The following CTNND1 variants were observed in gnomAD, a reference collection of about 807,000 sequenced individuals.
The protein encoded by CTNND1 is catenin delta-1.
A neutral mutation model predicts 112.1 loss-of-function variants in CTNND1; 16 were observed. That is an observed-to-expected ratio of 0.14 (90% CI 0.10 to 0.22). CTNND1 has a LOEUF of 0.22. Among genes scored for constraint, CTNND1 ranks in the 10% least tolerant of loss-of-function variants. CTNND1 has a pLI of 1.00. For synonymous variants in CTNND1, 420 were observed against 446.5 expected, an observed-to-expected ratio of 0.94 and a Z score of 0.75; for missense variants, 1,008 against 1,257.0, an observed-to-expected ratio of 0.80 and a Z score of 3.00.
At chr11:57,776,434 G>C (rs898226437) in intron 1 of CTNND1, among the ~76,000 whole-genome samples, 1 of 152,132 alleles carries the variant, frequency 6.6e-6, no homozygotes. Flanking sequence ...TTGGCTAGTT[G>C]GAATGTAGCT....
chr11:57,807,098 T>TA, intron 12 of CTNND1, 115 bp downstream of exon 12: 1 of 847,812 alleles, frequency 1.2e-6, no homozygotes, highest in East Asian at 2.7e-5. Flanking sequence ...TTTTCCAACT[T>TA]ACAGATTTGA....
rs11570203 is a variant in CTNND1 at position 57,805,134 on chromosome 11, C to T, written c.1722+354C>T. Among the ~76,000 whole-genome samples, 82 of 152,132 alleles carry T rather than the reference C, an allele frequency of 5.4e-4. 1 individual carries two copies. In the East Asian group the frequency reaches 8.1e-3, roughly 15 times the overall value. On this transcript the variant is annotated intron_variant, in intron 9 of 20. Transcript: ENST00000399050. Reference sequence around the variant, plus strand: ...GGCTGGTCTCAAACTCTTGACCTCACGTGATCCCCCTGCCTCAGCCTCCCA... The same window carrying T: ...GGCTGGTCTCAAACTCTTGACCTCATGTGATCCCCCTGCCTCAGCCTCCCA...
intron 4 of CTNND1, 144 bp downstream of exon 4, chr11:57,794,225 A>G: frequency 1.4e-6 from 1 of 703,802 alleles, no homozygotes; most frequent in East Asian, 2.7e-5. Context: ...AAAACAAAGA[A>G]GTGGAGCTCC....
chr11:57,803,579 TCTTGAATG>T (rs760706829), intron 7 of CTNND1, 34 bp from the exon 8 acceptor site: 2 of 1,505,950 alleles, frequency 1.3e-6, no homozygotes, highest in East Asian at 4.6e-5. Flanking sequence ...AGACATATTG[TCTTGAATG>T]CTCAAGAGCC....
At chr11:57,799,422 T>G (rs1379323888) in intron 6 of CTNND1, among the ~76,000 whole-genome samples, 1 of 152,242 alleles carries the variant, frequency 6.6e-6, no homozygotes, top group Non-Finnish European at 1.5e-5. Flanking sequence ...TTCTTGGGTT[T>G]GTTCCAGGGT....
In CTNND1 at chr11:57,803,617, C is replaced by G; in HGVS notation, c.1421-4C>G. On this transcript the variant is annotated splice_region_variant and splice_polypyrimidine_tract_variant and intron_variant, in intron 7 of 20. Coordinates refer to ENST00000399050, the MANE Select transcript of CTNND1 (RefSeq NM_001085458.2). Reference sequence around the variant, plus strand: ...AGAGCCATCTGATGAATTGTCTCTTCCAGGAACCCTGTGGAATCTTTCATC... The same window carrying G: ...AGAGCCATCTGATGAATTGTCTCTTGCAGGAACCCTGTGGAATCTTTCATC... The G allele has an allele frequency of 6.2e-7, 1 of 1,606,038 alleles. No individual in the cohort carries two copies. Among genetic ancestry groups the G allele is most frequent in the Non-Finnish European group, 8.5e-7 (1 of 1,176,082 alleles).
Position 57,762,139 on chromosome 11 carries a change from A to T in CTNND1, c.-214+20A>T. 1.0e-6 allele frequency: 1 copy of T among 973,606 alleles called. No homozygotes were observed. The highest frequency in any genetic ancestry group is 1.2e-6 in the Non-Finnish European group (1 of 819,168). The allele number at this position is 973,606 out of a possible 1,614,324, so 60.3% of individuals were successfully genotyped here. ...CTTACGGTAACCGGAGGGAATTAAA[A>T]AACGGGAGAGTCTGTTATGCTGATG... On this transcript the variant is annotated intron_variant, in intron 1 of 20. Coordinates refer to ENST00000399050, the MANE Select transcript of CTNND1 (RefSeq NM_001085458.2).
intron 18 of CTNND1, 72 bp from the exon 19 acceptor site, chr11:57,815,322 C>T: frequency 1.2e-6 from 1 of 860,142 alleles, no homozygotes; most frequent in South Asian, 1.8e-5. Context: ...CTAATTACAC[C>T]TATCTGTTTG....
At chr11:57,815,808 T>C in intron 19 of CTNND1, 107 bp from the exon 20 acceptor site, 2 of 931,964 alleles carry the variant, frequency 2.1e-6, no homozygotes. Context: ...CTTACTATTA[T>C]ATCTTGTTTT....
chr11:57,785,571 A>G lies in CTNND1; in HGVS notation c.-213-3466A>G, dbSNP rs1231852248. ...TTTTGTGTGTGTGTGTGTGTGGGGT[A>G]CTGAGTCTAGCTCTGTCACCCATGC... is the stretch of plus-strand genomic sequence containing the variant. On this transcript the variant is annotated intron_variant, in intron 1 of 20. Coordinates refer to ENST00000399050, the MANE Select transcript of CTNND1 (RefSeq NM_001085458.2). Among the ~76,000 whole-genome samples the G allele has an allele frequency of 2.0e-5, 3 of 151,718 alleles. No homozygotes were observed. The East Asian group carries it at 5.8e-4, about 29-fold the overall frequency.
Position 57,791,445 on chromosome 11 carries a change from A to G in CTNND1, c.-34A>G. 1 of 1,406,206 alleles carries G rather than the reference A, an allele frequency of 7.1e-7. No homozygotes were observed. The highest frequency in any genetic ancestry group is 9.3e-7 in the Non-Finnish European group (1 of 1,072,460). The allele number at this position is 1,406,206 out of a possible 1,614,324, so 87.1% of individuals were successfully genotyped here. On this transcript the variant is annotated 5_prime_UTR_variant, in exon 3 of 21. Coordinates refer to ENST00000399050, the MANE Select transcript of CTNND1 (RefSeq NM_001085458.2). ...TCCTCTGTGATTCACCTTCCTTTTT[A>G]CCCTGCCCTGCGGCGGCTCCGCCCC...
intron 1 of CTNND1, among the ~76,000 whole-genome samples, chr11:57,764,706 C>T (rs546059291): frequency 6.6e-6 from 1 of 152,258 alleles, no homozygotes; most frequent in South Asian, 2.1e-4. Flanking sequence ...GAAAATCTCA[C>T]TGCCTGTAAA....
chr11:57,782,808 C>A (rs1412144941), intron 1 of CTNND1, among the ~76,000 whole-genome samples: 2 of 152,204 alleles, frequency 1.3e-5, no homozygotes, highest in Non-Finnish European at 2.9e-5. Context: ...AAAGAGTGAA[C>A]ACTAGGAGAA....
rs2137425324 is a variant in CTNND1, at chr11:57,809,349, A to G, written c.2318A>G (p.Asp773Gly). The part of the protein sequence containing the change: ...QQNSSWNFSE[D>G]TVISILNTIN... The stretch of plus-strand genomic sequence containing the variant: ...AACTCCTCTTGGAATTTCTCTGAGG[A>G]CACTGTCATCTCTATTTTGAACACT... The change falls in exon 15 of 21, where the codon GAC becomes GGC. Residue 773 changes from aspartate (D) to glycine (G), a missense_variant. Asp to Gly is a moderately conservative substitution (Grantham distance 94). Around this residue, in one of 5 missense-constraint regions of CTNND1, gnomAD observed 254 missense variants for 279.5 expected, o/e 0.91. Coordinates refer to ENST00000399050, the MANE Select transcript of CTNND1 (RefSeq NM_001085458.2). 6.2e-7 allele frequency: 1 copy of G among 1,613,996 alleles called. No individual in the cohort carries two copies. The highest frequency in any genetic ancestry group is 1.3e-5 in the African/African-American group (1 of 75,044).
Position 57,797,009 on chromosome 11 carries a change from G to T in CTNND1, c.956+17G>T. Reference sequence around the variant, plus strand: ...GCGCCTCAGGTAGGCAAGAATAGGGGAAGAGAAAAGGGTCTTTCCAAGACC... The same window carrying T: ...GCGCCTCAGGTAGGCAAGAATAGGGTAAGAGAAAAGGGTCTTTCCAAGACC... On this transcript the variant is annotated intron_variant, in intron 6 of 20. Coordinates refer to ENST00000399050, the MANE Select transcript of CTNND1 (RefSeq NM_001085458.2). The T allele has an allele frequency of 6.9e-7, 1 of 1,445,168 alleles. No homozygotes were observed. Among genetic ancestry groups the T allele is most frequent in the Non-Finnish European group, 9.2e-7 (1 of 1,089,910 alleles). 89.5% of individuals were successfully genotyped at this position (1,445,168 alleles called of 1,614,324 possible). A position where few individuals can be genotyped will look rare whatever the true frequency, so the allele number is the denominator to read the frequency against.
At position 57,795,736 on chromosome 11, in the gene CTNND1, T is replaced by G; in HGVS notation, c.420+7T>G. ...TCGGCGCACAGAGACCACGGTAAACTAAGACGTGTGTAAGATCTGGAAGTG... is the reference window on the plus strand; with the variant it reads ...TCGGCGCACAGAGACCACGGTAAACGAAGACGTGTGTAAGATCTGGAAGTG... On this transcript the variant is annotated splice_region_variant and intron_variant, in intron 5 of 20. Coordinates refer to ENST00000399050, the MANE Select transcript of CTNND1 (RefSeq NM_001085458.2). The G allele has an allele frequency of 6.3e-7, 1 of 1,583,984 alleles. No homozygotes were observed. Among genetic ancestry groups the G allele is most frequent in the Non-Finnish European group, 8.5e-7 (1 of 1,170,092 alleles).
chr11:57,810,072 A>G (rs772635735), intron 15 of CTNND1, 37 bp from the exon 16 acceptor site: 3 of 1,515,248 alleles, frequency 2.0e-6, no homozygotes, highest in Non-Finnish European at 1.8e-6. Context: ...TCCTGATTTT[A>G]TATCCAAATT....
At chr11:57,783,531 C>T (rs1169732622) in intron 1 of CTNND1, among the ~76,000 whole-genome samples, 9 of 150,508 alleles carry the variant, frequency 6.0e-5, no homozygotes, top group African/African-American at 2.2e-4. Flanking sequence ...TGTTGGCGGG[C>T]GCCTGTGGTC....
Position 57,806,493 on chromosome 11 carries a change from T to G in CTNND1, c.1894+15T>G. On this transcript the variant is annotated intron_variant, in intron 11 of 20. Coordinates refer to ENST00000399050, the MANE Select transcript of CTNND1 (RefSeq NM_001085458.2). ...GTTCTCCAGAGGTGAGTGGAGTCTT[T>G]TAAGGTGCTTATCTACTTCTAATTT... 6.3e-7 allele frequency: 1 copy of G among 1,594,578 alleles called. No homozygotes were observed. The highest frequency in any genetic ancestry group is 8.6e-7 in the Non-Finnish European group (1 of 1,168,814).
Sources: allele counts gnomAD v4.1 joint callset (sites outside exome capture counted in the v4.1 genomes callset), GRCh38; gene constraint gnomAD v4.1.1; regional missense constraint gnomAD v4.1.1; transcripts MANE v1.5; gene names NCBI Gene and HGNC (gene_info 2026-07-23, HGNC 2026-07-21).